TOP2B: variants seen among roughly 807,000 people sequenced by gnomAD.
The protein encoded by TOP2B is DNA topoisomerase 2-beta.
TOP2B carries 51 observed loss-of-function variants against 193.5 expected under a neutral mutation model. That is an observed-to-expected ratio of 0.26 (90% CI 0.21 to 0.33). TOP2B has a LOEUF of 0.33. Among genes scored for constraint, TOP2B ranks in the 10% least tolerant of loss-of-function variants. The pLI is 1.00. For missense variants in TOP2B, 1,378 were observed against 1,909.3 expected (o/e 0.72, Z 5.19); for synonymous variants, 634 against 635.7 (o/e 1.00, Z 0.04).
chr3:25,651,979 T>C (rs1050174576), intron 1 of TOP2B, among the ~76,000 whole-genome samples: 2 of 151,986 alleles, frequency 1.3e-5, no homozygotes, highest in African/African-American at 2.4e-5. Flanking sequence ...GATCCAAAGA[T>C]GCACAAAGGC....
At chr3:25,663,483 A>T (rs971251762) in intron 1 of TOP2B, among the ~76,000 whole-genome samples, 2 of 152,180 alleles carry the variant, frequency 1.3e-5, no homozygotes, top group African/African-American at 4.8e-5. Context: ...CTTCCGCTGC[A>T]GTTACTTCTA....
In TOP2B at chr3:25,609,353, A is replaced by G. The variant is rs1476281004; in HGVS notation, c.3932-9T>C. On this transcript the variant is annotated splice_polypyrimidine_tract_variant and intron_variant, in intron 29 of 35. Coordinates refer to ENST00000264331, the MANE Select transcript of TOP2B (RefSeq NM_001330700.2). ...TTTTCTCACTCTGGTACCTAAAGCA[A>G]AAGAATAGCAATAAGGTATGTATCC... 8.9e-6 allele frequency: 14 copies of G among 1,577,956 alleles called. No individual in the cohort carries two copies. The highest frequency in any genetic ancestry group is 1.2e-5 in the Non-Finnish European group (14 of 1,159,904).
intron 33 of TOP2B, among the ~76,000 whole-genome samples, chr3:25,603,547 TG>T (rs1702161527): frequency 6.6e-6 from 1 of 152,142 alleles, no homozygotes; most frequent in Non-Finnish European, 1.5e-5. Flanking sequence ...CCAGCCTGAT[TG>T]TTTTTTTAAA....
chr3:25,609,097 A>G (rs1333993098), intron 30 of TOP2B, 86 bp downstream of exon 30: 1 of 1,161,460 alleles, frequency 8.6e-7, no homozygotes, highest in Non-Finnish European at 1.1e-6. Context: ...CTAATGGCTT[A>G]GTACTTAAAC....
At chr3:25,603,416 T>C (rs1420316809) in intron 33 of TOP2B, among the ~76,000 whole-genome samples, 1 of 152,146 alleles carries the variant, frequency 6.6e-6, no homozygotes, top group Non-Finnish European at 1.5e-5. Flanking sequence ...CTAATTTTTG[T>C]ATTTTTAGTA....
intron 15 of TOP2B, among the ~76,000 whole-genome samples, chr3:25,627,552 G>A (rs935816516): frequency 2.0e-5 from 3 of 152,038 alleles, no homozygotes; most frequent in African/African-American, 7.3e-5. Context: ...TTAACCATCA[G>A]TTAACAGAAA....
intron 33 of TOP2B, 41 bp from the exon 34 acceptor site, chr3:25,601,266 C>CAACAAACCA (rs1369248486): frequency 1.6e-5 from 26 of 1,585,912 alleles, no homozygotes; most frequent in Non-Finnish European, 2.2e-5. Context: ...ATATACTTAC[C>CAACAAACCA]AACAAACCAA....
intron 25 of TOP2B, among the ~76,000 whole-genome samples, chr3:25,616,534 C>T (rs749728845): frequency 7.2e-5 from 11 of 151,912 alleles, no homozygotes; most frequent in Non-Finnish European, 1.0e-4. Context: ...CAAGATGCTT[C>T]ATTATATAAA....
chr3:25,639,244 A>C (rs1013332288), intron 4 of TOP2B, among the ~76,000 whole-genome samples: 1 of 152,204 alleles, frequency 6.6e-6, no homozygotes, highest in Non-Finnish European at 1.5e-5. Flanking sequence ...TAAAATTTCA[A>C]CTCTAAATAA....
intron 34 of TOP2B, among the ~76,000 whole-genome samples, chr3:25,599,848 A>G (rs924081332): frequency 1.3e-5 from 2 of 152,240 alleles, no homozygotes; most frequent in Non-Finnish European, 2.9e-5. Context: ...ATCTTGGAAG[A>G]GTACTTCTTA....
chr3:25,649,640 C>G (rs1575585891), intron 1 of TOP2B, among the ~76,000 whole-genome samples: 1 of 148,492 alleles, frequency 6.7e-6, no homozygotes, highest in African/African-American at 2.5e-5. Flanking sequence ...CAACCAAGAA[C>G]ATTGTATCCA....
chr3:25,606,407 T>A (rs915371655), intron 31 of TOP2B, among the ~76,000 whole-genome samples: 1 of 152,100 alleles, frequency 6.6e-6, no homozygotes, highest in Non-Finnish European at 1.5e-5. Context: ...TAAGCAATGG[T>A]TTAAAGTTAT....
chr3:25,652,960 G>T (rs559429563), intron 1 of TOP2B, among the ~76,000 whole-genome samples: 30 of 152,094 alleles, frequency 2.0e-4, no homozygotes, highest in South Asian at 4.2e-4. Context: ...AACGAAAGGG[G>T]ACATTATAAT....
Position 25,637,278 on chromosome 3 carries a change from A to G in TOP2B, c.576T>C (p.Asn192=). ...CTACTGTAAACTTTGTACTGAAAAT[A>G]TTACAAAGTTTTGCACCATAACCAT... ...GRNGYGAKLC[N]IFSTKFTVET... is the part of the protein sequence containing the mutation. Residue 192 remains asparagine (N), a synonymous_variant, in exon 6 of 36, where the codon AAT becomes AAC. Coordinates refer to ENST00000264331, the MANE Select transcript of TOP2B (RefSeq NM_001330700.2). 6.4e-7 allele frequency: 1 copy of G among 1,560,300 alleles called. No individual in the cohort carries two copies. The highest frequency in any genetic ancestry group is 8.7e-7 in the Non-Finnish European group (1 of 1,150,646).
intron 20 of TOP2B, 28 bp from the exon 21 acceptor site, chr3:25,623,774 A>C (rs1702723853): frequency 6.8e-7 from 1 of 1,468,538 alleles, no homozygotes; most frequent in Non-Finnish European, 9.4e-7. Flanking sequence ...AAGCAAATGA[A>C]AAAATGTCAT....
At chr3:25,599,559 C>A (rs538279051) in intron 34 of TOP2B, 30 bp from the exon 35 acceptor site, 2 of 1,582,998 alleles carry the variant, frequency 1.3e-6, no homozygotes, top group East Asian at 4.5e-5. Context: ...TTTTTTCTTC[C>A]GTGGTTAAGT....
At chr3:25,602,904 T>C (rs934916485) in intron 33 of TOP2B, among the ~76,000 whole-genome samples, 8 of 152,158 alleles carry the variant, frequency 5.3e-5, no homozygotes, top group Non-Finnish European at 1.0e-4. Flanking sequence ...ATATGATGCA[T>C]CCTCTTCTTG....
Position 25,620,024 on chromosome 3 carries a change from T to A in TOP2B, c.2901A>T (p.Gly967=), listed in dbSNP as rs1310150210. ...KEQVLEPMLN[G]TDKTPALISD... is the part of the protein sequence containing the mutation. ...AAATTAATGCTGGTGTTTTATCTGT[T>A]CCATTTAGCATAGGTTCTAAAACCT... The change falls in exon 23 of 36, where the codon GGA becomes GGT. Residue 967 remains glycine (G), a synonymous_variant. Coordinates refer to ENST00000264331, the MANE Select transcript of TOP2B (RefSeq NM_001330700.2). The A allele has an allele frequency of 5.1e-6, 8 of 1,573,210 alleles. No homozygotes were observed. In the South Asian group the frequency reaches 9.1e-5, roughly 18 times the overall value.
chr3:25,649,688 C>T (rs898915240), intron 1 of TOP2B, among the ~76,000 whole-genome samples: 1 of 150,278 alleles, frequency 6.7e-6, no homozygotes, highest in Non-Finnish European at 1.5e-5. Flanking sequence ...GAAATTAATA[C>T]TTTCTTAGAT....
Sources: gnomAD v4.1 joint callset for allele counts (sites outside exome capture counted in the v4.1 genomes callset) on GRCh38, gnomAD v4.1.1 for gene constraint, MANE v1.5 for transcripts, NCBI Gene and HGNC (gene_info 2026-07-23, HGNC 2026-07-21) for gene names.